Variants in PLD5 observed in about 807,000 individuals in gnomAD.
PLD5 encodes inactive phospholipase D5.
In PLD5, 36 loss-of-function variants were observed where a neutral mutation model predicts 61.1. That is an observed-to-expected ratio of 0.59 (90% CI 0.45 to 0.78). The LOEUF (loss-of-function observed/expected upper bound fraction) is 0.78. Ranked by LOEUF, PLD5 falls within the 30% of genes least tolerant of loss-of-function variation. The pLI is 0.00. For synonymous variants in PLD5, 243 were observed against 242.8 expected, an observed-to-expected ratio of 1.00 and a Z score of -0.01; for missense variants, 515 against 644.4, an observed-to-expected ratio of 0.80 and a Z score of 2.17.
chr1:242,407,950 G>A (rs1664337186), intron 1 of PLD5, among the ~76,000 whole-genome samples: 1 of 152,090 alleles, frequency 6.6e-6, no homozygotes, highest in Non-Finnish European at 1.5e-5. Context: ...TACTTAATAA[G>A]TCTTTGAGAT....
rs529795147 is a variant in PLD5, at chr1:242,288,500, G to A, written c.357C>T (p.Gly119=). The part of the protein sequence containing the change: ...RIALVENIPE[G]LNYSENAPFH... ...ATGGTGCATTTTCTGAATAGTTAAGGCCTTCAGGAATATTTTCCACCAGGG... is the reference window on the plus strand; with the variant it reads ...ATGGTGCATTTTCTGAATAGTTAAGACCTTCAGGAATATTTTCCACCAGGG... The change falls in exon 3 of 10, where the codon GGC becomes GGT. Residue 119 remains glycine (G), a synonymous_variant. Coordinates refer to ENST00000536534, the MANE Select transcript of PLD5 (RefSeq NM_001372062.1). The A allele has an allele frequency of 1.9e-6, 3 of 1,594,174 alleles. No homozygotes were observed. The highest frequency in any genetic ancestry group is 8.5e-7 in the Non-Finnish European group (1 of 1,173,850).
At chr1:242,269,918 G>T (rs1473056998) in intron 3 of PLD5, among the ~76,000 whole-genome samples, 1 of 152,128 alleles carries the variant, frequency 6.6e-6, no homozygotes, top group East Asian at 1.9e-4. Flanking sequence ...TGCCAAAGGG[G>T]TCTATTTTGA....
intron 1 of PLD5, among the ~76,000 whole-genome samples, chr1:242,451,344 T>C (rs1006152827): frequency 6.6e-6 from 1 of 152,152 alleles, no homozygotes; most frequent in Non-Finnish European, 1.5e-5. Context: ...GCATTTAACA[T>C]TGAATCATAC....
chr1:242,409,450 T>C (rs905287436), intron 1 of PLD5, among the ~76,000 whole-genome samples: 27 of 150,566 alleles, frequency 1.8e-4, no homozygotes, highest in African/African-American at 6.5e-4. Context: ...GCCTTATTGG[T>C]GCAAGCAGAA....
intron 5 of PLD5, among the ~76,000 whole-genome samples, chr1:242,204,667 C>T (rs142072073): frequency 2.6e-5 from 4 of 152,270 alleles, no homozygotes; most frequent in African/African-American, 9.6e-5. Flanking sequence ...GCAGTGATGG[C>T]ACTAGGTCTG....
intron 3 of PLD5, among the ~76,000 whole-genome samples, chr1:242,273,759 A>G (rs1674247713): frequency 6.6e-6 from 1 of 152,232 alleles, no homozygotes. Context: ...TGTACTTATA[A>G]GAGATGGGCA....
At chr1:242,143,323 G>A (rs1023960590) in intron 5 of PLD5, among the ~76,000 whole-genome samples, 2 of 152,154 alleles carry the variant, frequency 1.3e-5, no homozygotes, top group Non-Finnish European at 2.9e-5. Flanking sequence ...AAAGTGCTGG[G>A]ATTACAGAGA....
intron 5 of PLD5, among the ~76,000 whole-genome samples, chr1:242,217,437 A>G (rs1484256068): frequency 6.6e-6 from 1 of 152,156 alleles, no homozygotes; most frequent in Non-Finnish European, 1.5e-5. Context: ...AGCCTGGACA[A>G]CATGGTGAAA....
At position 242,302,584 on chromosome 1, in the gene PLD5, T is replaced by C. The variant is rs1360847892; in HGVS notation, c.327-14054A>G. ...AACTTTAAACATTAGCCAGGTATGG[T>C]AGCATGTGCCTGTAGTCCTAACTAC... On this transcript the variant is annotated intron_variant, in intron 2 of 9. Coordinates refer to ENST00000536534, the MANE Select transcript of PLD5 (RefSeq NM_001372062.1). Among the ~76,000 whole-genome samples, 7 of 152,144 alleles carry C rather than the reference T, an allele frequency of 4.6e-5. No individual in the cohort carries two copies. In the South Asian group the frequency reaches 1.5e-3, roughly 32 times the overall value.
chr1:242,361,664 G>A (rs1176049026), intron 1 of PLD5, among the ~76,000 whole-genome samples: 1 of 152,066 alleles, frequency 6.6e-6, no homozygotes, highest in Non-Finnish European at 1.5e-5. Context: ...TTGCTTTCTT[G>A]GTCAAGAAAT....
chr1:242,258,073 G>T (rs149891189), intron 4 of PLD5, among the ~76,000 whole-genome samples: 1,849 of 152,306 alleles, frequency 0.012, 51 homozygotes, highest in African/African-American at 0.042. Flanking sequence ...CTCTTCTCCA[G>T]TGTATTTCAG....
chr1:242,445,262 G>A (rs998265432), intron 1 of PLD5, among the ~76,000 whole-genome samples: 3 of 152,174 alleles, frequency 2.0e-5, no homozygotes, highest in Non-Finnish European at 4.4e-5. Flanking sequence ...TAAGCAGAGA[G>A]TTGGCCCTCA....
chr1:242,427,964 A>C (rs1665522333), intron 1 of PLD5, among the ~76,000 whole-genome samples: 1 of 152,234 alleles, frequency 6.6e-6, no homozygotes, highest in South Asian at 2.1e-4. Context: ...GGGAGGTTAA[A>C]AAAATTGTAA....
chr1:242,186,420 T>A (rs1346166166), intron 5 of PLD5, among the ~76,000 whole-genome samples: 2 of 152,152 alleles, frequency 1.3e-5, no homozygotes, highest in Non-Finnish European at 2.9e-5. Context: ...TCACCTCAAG[T>A]GATCCACCCG....
chr1:242,273,165 A>T (rs316910), intron 3 of PLD5, among the ~76,000 whole-genome samples: 6 of 151,444 alleles, frequency 4.0e-5, no homozygotes, highest in African/African-American at 1.5e-4. Context: ...TTATGAATGA[A>T]AACATGTGGT....
At chr1:242,222,901 A>G (rs1162796154) in intron 4 of PLD5, among the ~76,000 whole-genome samples, 3 of 152,260 alleles carry the variant, frequency 2.0e-5, no homozygotes, top group Admixed American at 6.5e-5. Flanking sequence ...TTTACTGAAT[A>G]TCTAATATAT....
intron 1 of PLD5, among the ~76,000 whole-genome samples, chr1:242,474,167 CATTACTTGCAATGGCAAAACCGCA>C (rs1362599477): frequency 1.3e-5 from 2 of 152,138 alleles, no homozygotes; most frequent in Non-Finnish European, 2.9e-5. Context: ...CGGTGTTTGC[CATTACTTGCAATGGCAAAACCGCA>C]ATTACTTTTG....
chr1:242,288,523 G>A lies in PLD5; in HGVS notation c.334C>T (p.Leu112=). ...KNCQNKCRIA[L]VENIPEGLNY... Reference sequence around the variant, plus strand: ...AGGCCTTCAGGAATATTTTCCACCAGGGCAATTCTTAGAAAAGATTTTGAA... The same window carrying A: ...AGGCCTTCAGGAATATTTTCCACCAAGGCAATTCTTAGAAAAGATTTTGAA... The change falls in exon 3 of 10, where the codon CTG becomes TTG. Residue 112 remains leucine (L), a synonymous_variant. Coordinates refer to ENST00000536534, the MANE Select transcript of PLD5 (RefSeq NM_001372062.1). 1 of 1,585,112 alleles carries A rather than the reference G, an allele frequency of 6.3e-7. No individual in the cohort carries two copies. Among genetic ancestry groups the A allele is most frequent in the Non-Finnish European group, 8.5e-7 (1 of 1,170,322 alleles).
At chr1:242,131,122 G>A (rs1446036503) in intron 5 of PLD5, among the ~76,000 whole-genome samples, 1 of 152,106 alleles carries the variant, frequency 6.6e-6, no homozygotes, top group Non-Finnish European at 1.5e-5. Context: ...TGGCCAACAT[G>A]GTGAAACCTC....
Sources: gnomAD v4.1 joint callset for allele counts (sites outside exome capture counted in the v4.1 genomes callset) on GRCh38, gnomAD v4.1.1 for gene constraint, MANE v1.5 for transcripts, NCBI Gene and HGNC (gene_info 2026-07-23, HGNC 2026-07-21) for gene names.